Variants in YIPF2 observed in about 807,000 individuals in gnomAD.
YIPF2 encodes Yip1 domain family member 2, also known as protein YIPF2.
Under a neutral mutation model 38.8 loss-of-function variants are expected in YIPF2, and 30 were observed. That is an observed-to-expected ratio of 0.77 (90% CI 0.58 to 1.05). The LOEUF is 1.05. Among genes scored for constraint, YIPF2 ranks in the 50% least tolerant of loss-of-function variants. The pLI, the probability that YIPF2 is intolerant of heterozygous loss-of-function variation, is 0.00. For missense variants in YIPF2, 401 were observed against 409.7 expected (o/e 0.98, Z 0.18); for synonymous variants, 194 against 183.8 (o/e 1.06, Z -0.45).
intron 4 of YIPF2, among the ~76,000 whole-genome samples, chr19:10,926,960 G>T (rs2083434989): frequency 6.6e-6 from 1 of 152,026 alleles, no homozygotes; most frequent in Admixed American, 6.6e-5. Flanking sequence ...ACCTCCGCCT[G>T]GCGGATTCAA....
rs1390741324 is a variant in YIPF2 at position 10,924,006 on chromosome 19, G to T, written c.485-7C>A. The T allele has an allele frequency of 2.5e-6, 4 of 1,612,454 alleles. No individual in the cohort carries two copies. Among genetic ancestry groups the T allele is most frequent in the Non-Finnish European group, 2.5e-6 (3 of 1,179,270 alleles). ...CTGATGCCTGCCACGGTCACTGGGGGGGGCAAGGTGAGCAGTCACCCCCTG... is the reference window on the plus strand; with the variant it reads ...CTGATGCCTGCCACGGTCACTGGGGTGGGCAAGGTGAGCAGTCACCCCCTG... On this transcript the variant is annotated splice_polypyrimidine_tract_variant and splice_region_variant and intron_variant, in intron 6 of 9. Transcript: ENST00000586748.
chr19:10,928,557 C>G lies in YIPF2; in HGVS notation c.-77G>C. 1 of 1,132,318 alleles carries G rather than the reference C, an allele frequency of 8.8e-7. No homozygotes were observed. The highest frequency in any genetic ancestry group is 1.2e-6 in the Non-Finnish European group (1 of 851,786). The allele number at this position is 1,132,318 out of a possible 1,614,324, so 70.1% of individuals were successfully genotyped here. On this transcript the variant is annotated 5_prime_UTR_variant, in exon 1 of 10. Transcript: ENST00000586748. The stretch of plus-strand genomic sequence containing the variant: ...GGAGGCTTGAACTCGTCGTCCCGTC[C>G]CCACAGGTGCGCTCCGCCCCCCCTC...
Position 10,923,570 on chromosome 19 carries a change from C to G in YIPF2, c.759G>C (p.Glu253Asp). ...LVFTLWPVVR[E>D]DTRLVATVLL... is the part of the protein sequence containing the mutation. ...GCACTGTGGCCACCAGCCTGGTGTC[C>G]TCACGGACCACGGGCCAGAGGGTGA... Residue 253 changes from glutamate to aspartate, a missense_variant, in exon 8 of 10, where the codon GAG becomes GAC. Glu to Asp is a conservative substitution (Grantham distance 45). Coordinates refer to ENST00000586748, the MANE Select transcript of YIPF2 (RefSeq NM_001321439.2). The G allele has an allele frequency of 6.2e-7, 1 of 1,612,822 alleles. No individual in the cohort carries two copies. The highest frequency in any genetic ancestry group is 8.5e-7 in the Non-Finnish European group (1 of 1,179,808).
intron 2 of YIPF2, 126 bp from the exon 3 acceptor site, chr19:10,928,085 G>A: frequency 1.0e-5 from 14 of 1,371,752 alleles, no homozygotes; most frequent in Non-Finnish European, 1.4e-5. Flanking sequence ...CCCCAAGGTG[G>A]GGCCCAACTT....
chr19:10,923,971 G>A lies in YIPF2; in HGVS notation c.513C>T (p.Cys171=). 6.2e-7 allele frequency: 1 copy of A among 1,613,380 alleles called. No homozygotes were observed. Among genetic ancestry groups the A allele is most frequent in the Non-Finnish European group, 8.5e-7 (1 of 1,179,746 alleles). The change falls in exon 7 of 10, where the codon TGC becomes TGT. Residue 171 remains cysteine (C), a synonymous_variant. Coordinates refer to ENST00000586748, the MANE Select transcript of YIPF2 (RefSeq NM_001321439.2). ...GGGCCAGGGGCACCAGCCACGCATA[G>A]CAGTAGATGCTGATGCCTGCCACGG... is the stretch of plus-strand genomic sequence containing the variant. ...KVTVAGISIY[C]YAWLVPLALW...
At chr19:10,925,594 C>G in intron 5 of YIPF2, 92 bp downstream of exon 5, 1 of 1,455,836 alleles carries the variant, frequency 6.9e-7, no homozygotes, top group Non-Finnish European at 9.4e-7. Context: ...GTCTGAGTGA[C>G]TGATTTGTCC....
In YIPF2 at chr19:10,923,554, C is replaced by T; in HGVS notation, c.775G>A (p.Ala259Thr). 6.2e-7 allele frequency: 1 copy of T among 1,612,660 alleles called. No individual in the cohort carries two copies. Among genetic ancestry groups the T allele is most frequent in the Non-Finnish European group, 8.5e-7 (1 of 1,179,794 alleles). Reference protein sequence around the residue: ...PVVREDTRLVATVLLSVVVLL... With the variant: ...PVVREDTRLVTTVLLSVVVLL... The stretch of plus-strand genomic sequence containing the variant: ...ACGACCACGGACAGCAGCACTGTGG[C>T]CACCAGCCTGGTGTCCTCACGGACC... Residue 259 changes from alanine to threonine, a missense_variant, in exon 8 of 10, where the codon GCC becomes ACC. By Grantham distance (58) the Ala-to-Thr change is moderately conservative. Coordinates refer to ENST00000586748, the MANE Select transcript of YIPF2 (RefSeq NM_001321439.2).
chr19:10,925,605 G>A (rs1450441674), intron 5 of YIPF2, 81 bp downstream of exon 5: 10 of 1,517,616 alleles, frequency 6.6e-6, no homozygotes, highest in African/African-American at 1.4e-5. Context: ...TGATTTGTCC[G>A]CAGCTATACA....
In YIPF2 at chr19:10,923,924, C is replaced by T. The variant is rs761767697; in HGVS notation, c.560G>A (p.Arg187His). The T allele has an allele frequency of 2.4e-5, 39 of 1,613,122 alleles. No individual in the cohort carries two copies. The highest frequency in any genetic ancestry group is 4.5e-5 in the East Asian group (2 of 44,850). Residue 187 changes from arginine to histidine, a missense_variant, in exon 7 of 10, where the codon CGC (arginine) becomes CAC (histidine). Transcript: ENST00000586748. ...PLALWGFLRWRKGVQERMGPY... is the reference protein window; with the variant it reads ...PLALWGFLRWHKGVQERMGPY... ...CCCCATGCGCTCCTGGACACCCTTGCGCCACCGCAGGAAGCCCCACAGGGC... is the reference window on the plus strand; with the variant it reads ...CCCCATGCGCTCCTGGACACCCTTGTGCCACCGCAGGAAGCCCCACAGGGC...
Position 10,924,074 on chromosome 19 carries a change from A to C in YIPF2, c.484+2T>G. On this transcript the variant is annotated splice_donor_variant, in intron 6 of 9. Transcript: ENST00000586748. LOFTEE classifies it high-confidence loss of function. ...AGGCATTGGGCCTGCCCGTCTGCTT[A>C]CCCTTGTGGAACTGGGGGCTGTAGT... The C allele has an allele frequency of 6.2e-7, 1 of 1,613,574 alleles. No homozygotes were observed. Among genetic ancestry groups the C allele is most frequent in the Non-Finnish European group, 8.5e-7 (1 of 1,179,800 alleles).
chr19:10,928,573 GC>G lies in YIPF2; in HGVS notation c.-94del, dbSNP rs986922312. On this transcript the variant is annotated 5_prime_UTR_variant, in exon 1 of 10. Transcript: ENST00000586748. ...CGTCCCGTCCCCACAGGTGCGCTCC[GC>G]CCCCCCTCACCTGAGGCCACCTGGG... 1.9e-5 allele frequency: 20 copies of G among 1,065,308 alleles called. No homozygotes were observed. The highest frequency in any genetic ancestry group is 7.6e-5 in the Admixed American group (2 of 26,174). 66.0% of individuals were successfully genotyped at this position (1,065,308 alleles called of 1,614,324 possible).
At chr19:10,926,683 T>C (rs1258539798) in intron 4 of YIPF2, among the ~76,000 whole-genome samples, 1 of 149,248 alleles carries the variant, frequency 6.7e-6, no homozygotes, top group Non-Finnish European at 1.5e-5. Flanking sequence ...TGTGCCACCA[T>C]GCCTGGCTAA....
chr19:10,927,790 G>C lies in YIPF2; in HGVS notation c.192+9C>G. On this transcript the variant is annotated intron_variant, in intron 3 of 9. Coordinates refer to ENST00000586748, the MANE Select transcript of YIPF2 (RefSeq NM_001321439.2). ...GGGGGCTGCAAGGAGGCAGGACACA[G>C]GGACTCACCGCGGCCTTGTCACTCT... is the stretch of plus-strand genomic sequence containing the variant. 1 of 1,607,996 alleles carries C rather than the reference G, an allele frequency of 6.2e-7. No homozygotes were observed. The highest frequency in any genetic ancestry group is 8.5e-7 in the Non-Finnish European group (1 of 1,177,110).
chr19:10,927,219 G>C (rs1459554347), intron 4 of YIPF2, among the ~76,000 whole-genome samples: 1 of 152,176 alleles, frequency 6.6e-6, no homozygotes, highest in African/African-American at 2.4e-5. Flanking sequence ...ATGTTAGCCA[G>C]GCTGGTCTTG....
At chr19:10,925,571 G>T in intron 5 of YIPF2, 115 bp downstream of exon 5, 2 of 1,230,180 alleles carry the variant, frequency 1.6e-6, no homozygotes, top group Non-Finnish European at 1.1e-6. Context: ...CTGAACAGCA[G>T]GTAAGTCACA....
chr19:10,923,317 A>G lies in YIPF2; in HGVS notation c.925T>C (p.Leu309=). 1 of 1,612,110 alleles carries G rather than the reference A, an allele frequency of 6.2e-7. No individual in the cohort carries two copies. Among genetic ancestry groups the G allele is most frequent in the Non-Finnish European group, 8.5e-7 (1 of 1,179,228 alleles). Residue 309 remains leucine (L), a synonymous_variant, in exon 9 of 10, where the codon TTG becomes CTG. Coordinates refer to ENST00000586748, the MANE Select transcript of YIPF2 (RefSeq NM_001321439.2). ...LPSNIALSPT[L]PQSLAPS Reference sequence around the variant, plus strand: ...TAGGAGGGGGCCAGGGACTGCGGCAAGGTAGGGGACAGCGCGATGTTTGAG... The same window carrying G: ...TAGGAGGGGGCCAGGGACTGCGGCAGGGTAGGGGACAGCGCGATGTTTGAG...
Position 10,922,719 on chromosome 19 carries a change from CA to C in YIPF2, c.*474del. On this transcript the variant is annotated 3_prime_UTR_variant, in exon 10 of 10. Coordinates refer to ENST00000586748, the MANE Select transcript of YIPF2 (RefSeq NM_001321439.2). ...GGGACCTTGCAGGGACCTCTCCCTC[CA>C]AAAAAAGAAAAAAAGAAAAAGAAAG... is the stretch of plus-strand genomic sequence containing the variant. 1 of 151,984 alleles carries C rather than the reference CA, an allele frequency of 6.6e-6. No individual in the cohort carries two copies. The highest frequency in any genetic ancestry group is 1.5e-5 in the Non-Finnish European group (1 of 68,096). 9.4% of individuals were successfully genotyped at this position (151,984 alleles called of 1,614,324 possible). A position where few individuals can be genotyped will look rare whatever the true frequency, so the allele number is the denominator to read the frequency against.
intron 4 of YIPF2, among the ~76,000 whole-genome samples, chr19:10,926,932 C>G (rs935443417): frequency 5.3e-5 from 8 of 152,152 alleles, no homozygotes; most frequent in African/African-American, 1.7e-4. Context: ...TGCACTGGCA[C>G]GATCTTGGCT....
Position 10,924,137 on chromosome 19 carries a change from C to T in YIPF2, c.423G>A (p.Leu141=), listed in dbSNP as rs114318130. Reference sequence around the variant, plus strand: ...CCCTCCTCTGGGCCAGCACCAGCGTCAGGTTGCCAGTGACGGCCAGGACAA... The same window carrying T: ...CCCTCCTCTGGGCCAGCACCAGCGTTAGGTTGCCAGTGACGGCCAGGACAA... ...LAFVLAVTGN[L]TLVLAQRRDP... is the part of the protein sequence containing the mutation. Residue 141 remains leucine, a synonymous_variant, in exon 6 of 10, where the codon CTG becomes CTA. Coordinates refer to ENST00000586748, the MANE Select transcript of YIPF2 (RefSeq NM_001321439.2). The T allele has an allele frequency of 6.2e-7, 1 of 1,613,676 alleles. No individual in the cohort carries two copies. The highest frequency in any genetic ancestry group is 1.1e-5 in the South Asian group (1 of 91,082).
Sources: gnomAD v4.1 joint callset for allele counts (sites outside exome capture counted in the v4.1 genomes callset) on GRCh38, gnomAD v4.1.1 for gene constraint, MANE v1.5 for transcripts, NCBI Gene and HGNC (gene_info 2026-07-23, HGNC 2026-07-21) for gene names.